Variants in FAM193A observed in about 807,000 individuals in gnomAD.
FAM193A encodes protein FAM193A.
FAM193A carries 22 observed loss-of-function variants against 126.5 expected under a neutral mutation model. That is an observed-to-expected ratio of 0.17 (90% CI 0.12 to 0.25). The LOEUF is 0.25. Ranked by LOEUF, FAM193A falls within the 10% of genes least tolerant of loss-of-function variation. FAM193A has a pLI of 1.00. For missense variants in FAM193A, 1,675 were observed against 1,672.8 expected, an observed-to-expected ratio of 1.00 and a Z score of -0.02; for synonymous variants, 761 against 646.8, an observed-to-expected ratio of 1.18 and a Z score of -2.68.
chr4:2,540,317 A>G (rs1360315879), intron 1 of FAM193A, among the ~76,000 whole-genome samples: 5 of 151,850 alleles, frequency 3.3e-5, no homozygotes, highest in African/African-American at 1.2e-4. Flanking sequence ...AAATACAAAA[A>G]ATTAGCCGGG....
At chr4:2,555,611 TTTTG>T (rs1278329648) in intron 1 of FAM193A, among the ~76,000 whole-genome samples, 3 of 152,058 alleles carry the variant, frequency 2.0e-5, no homozygotes, top group Admixed American at 6.6e-5. Flanking sequence ...AAACACTGTT[TTTTG>T]TTTGTTTGTT....
At chr4:2,643,274 A>G (rs1744817485) in intron 6 of FAM193A, among the ~76,000 whole-genome samples, 1 of 152,192 alleles carries the variant, frequency 6.6e-6, no homozygotes, top group Non-Finnish European at 1.5e-5. Context: ...GCATTTAACA[A>G]TTCATAAAAA....
At chr4:2,635,289 C>T (rs542259404) in intron 5 of FAM193A, among the ~76,000 whole-genome samples, 5 of 152,284 alleles carry the variant, frequency 3.3e-5, no homozygotes, top group Non-Finnish European at 7.4e-5. Flanking sequence ...GGCAGTAATT[C>T]TCAACAGTTT....
chr4:2,632,945 TAGTGAAG>T (rs1453751594), intron 5 of FAM193A, among the ~76,000 whole-genome samples: 2 of 152,292 alleles, frequency 1.3e-5, no homozygotes, highest in East Asian at 3.9e-4. Context: ...GAGACTCTGG[TAGTGAAG>T]ACAGCAGCTG....
chr4:2,622,885 G>A (rs984671219), intron 2 of FAM193A, among the ~76,000 whole-genome samples: 2 of 152,082 alleles, frequency 1.3e-5, no homozygotes, highest in Non-Finnish European at 2.9e-5. Context: ...ACTTATGAAC[G>A]GGGGCGGGCG....
At chr4:2,603,615 C>G (rs1741352321) in intron 2 of FAM193A, among the ~76,000 whole-genome samples, 1 of 151,124 alleles carries the variant, frequency 6.6e-6, no homozygotes. Flanking sequence ...TGCCACCACG[C>G]CTGACTAATT....
Position 2,696,497 on chromosome 4 carries a change from G to T in FAM193A, c.3411G>T (p.Arg1137=), listed in dbSNP as rs781069820. The change falls in exon 18 of 21, where the codon CGG becomes CGT. Residue 1137 remains arginine, a synonymous_variant. Coordinates refer to ENST00000637812, the MANE Select transcript of FAM193A (RefSeq NM_001366318.2). ...ISERESVVDH[R]RVEDLLQFIN... ...AAAGGGAAAGCGTCGTTGACCATCG[G>T]AGGGTGGAGGATTTGTTGCAGTTTA... The T allele has an allele frequency of 5.0e-6, 8 of 1,614,250 alleles. No homozygotes were observed. In the Admixed American group the frequency reaches 1.3e-4, roughly 27 times the overall value.
rs534161809 is a variant in FAM193A at position 2,655,308 on chromosome 4, GT to G, written c.1312-2492del. Among the ~76,000 whole-genome samples, 79 of 152,274 alleles carry G rather than the reference GT, an allele frequency of 5.2e-4. 1 individual carries two copies. In the South Asian group the frequency reaches 0.015, roughly 30 times the overall value. ...ATATCAATTTCTGTATGAGTTAAGA[GT>G]TTAGGTTACCTAATTTTGAGACATT... On this transcript the variant is annotated intron_variant, in intron 7 of 20. Coordinates refer to ENST00000637812, the MANE Select transcript of FAM193A (RefSeq NM_001366318.2).
chr4:2,680,092 C>T (rs138772062), intron 13 of FAM193A, among the ~76,000 whole-genome samples: 144 of 152,218 alleles, frequency 9.5e-4, no homozygotes, highest in African/African-American at 3.2e-3. Flanking sequence ...AACTCCTGAC[C>T]TCAGGTTATC....
intron 12 of FAM193A, 133 bp from the exon 13 acceptor site, chr4:2,671,988 T>C: frequency 1.2e-6 from 1 of 868,848 alleles, no homozygotes; most frequent in Non-Finnish European, 1.8e-6. Context: ...AAGGCCCTGG[T>C]CAACTCAGGG....
intron 4 of FAM193A, among the ~76,000 whole-genome samples, chr4:2,628,091 G>A (rs190275885): frequency 1.0e-3 from 159 of 151,936 alleles, no homozygotes; most frequent in Admixed American, 2.0e-3. Flanking sequence ...TCATCATCTT[G>A]GCCAGGCTGG....
chr4:2,705,720 G>C (rs1450870610), intron 19 of FAM193A, among the ~76,000 whole-genome samples: 1 of 151,650 alleles, frequency 6.6e-6, no homozygotes, highest in East Asian at 1.9e-4. Context: ...CTCCTGAGTA[G>C]CTGGGACTAC....
chr4:2,557,319 T>C (rs1487345380), intron 1 of FAM193A, among the ~76,000 whole-genome samples: 1 of 152,180 alleles, frequency 6.6e-6, no homozygotes, highest in Non-Finnish European at 1.5e-5. Context: ...GATGAGGGCA[T>C]ACTATTGAGC....
At chr4:2,662,323 C>T (rs1712554652) in intron 10 of FAM193A, among the ~76,000 whole-genome samples, 1 of 152,206 alleles carries the variant, frequency 6.6e-6, no homozygotes, top group Non-Finnish European at 1.5e-5. Context: ...AAAAATTAGT[C>T]TTCTGTTACA....
chr4:2,538,518 A>G (rs1004254687), intron 1 of FAM193A, among the ~76,000 whole-genome samples: 1 of 151,916 alleles, frequency 6.6e-6, no homozygotes, highest in Non-Finnish European at 1.5e-5. Flanking sequence ...ATATTGTTAC[A>G]TTAGGGTCTT....
chr4:2,672,646 T>C (rs1713953929), intron 13 of FAM193A, among the ~76,000 whole-genome samples: 1 of 152,236 alleles, frequency 6.6e-6, no homozygotes, highest in Admixed American at 6.5e-5. Flanking sequence ...GTGCTATTTC[T>C]AACAGGTTAA....
chr4:2,646,043 A>G (rs774527763), intron 6 of FAM193A, among the ~76,000 whole-genome samples: 11 of 150,566 alleles, frequency 7.3e-5, no homozygotes, highest in Non-Finnish European at 1.2e-4. Context: ...TATCTATTTT[A>G]ATTTTTTCTT....
chr4:2,658,277 C>T (rs1428806068), intron 8 of FAM193A, among the ~76,000 whole-genome samples: 1 of 152,140 alleles, frequency 6.6e-6, no homozygotes, highest in Non-Finnish European at 1.5e-5. Context: ...GGAATGGGGG[C>T]CCAGCATCCC....
chr4:2,548,532 C>T (rs2108814619), intron 1 of FAM193A, among the ~76,000 whole-genome samples: 1 of 152,132 alleles, frequency 6.6e-6, no homozygotes, highest in Non-Finnish European at 1.5e-5. Flanking sequence ...TCTCGGCTCA[C>T]TGCAGCCTCC....
Sources: allele counts gnomAD v4.1 joint callset (sites outside exome capture counted in the v4.1 genomes callset), GRCh38; gene constraint gnomAD v4.1.1; transcripts MANE v1.5; gene names NCBI Gene and HGNC (gene_info 2026-07-23, HGNC 2026-07-21).